LRRC4C: variants seen among roughly 807,000 people sequenced by gnomAD.
LRRC4C encodes leucine rich repeat containing 4C, also known as leucine-rich repeat-containing protein 4C.
LRRC4C carries 5 observed loss-of-function variants against 33.6 expected under a neutral mutation model. That is an observed-to-expected ratio of 0.15 (90% CI 0.08 to 0.31). The LOEUF is 0.31. LRRC4C is among the 10% of genes least tolerant of loss of function. The pLI is 1.00. For synonymous variants in LRRC4C, 329 were observed against 302.0 expected (o/e 1.09, Z -0.93); for missense variants, 560 against 796.7 (o/e 0.70, Z 3.58).
At chr11:41,146,100 C>A (rs762002169) in intron 1 of LRRC4C, among the ~76,000 whole-genome samples, 2 of 152,054 alleles carry the variant, frequency 1.3e-5, no homozygotes, top group Non-Finnish European at 2.9e-5. Flanking sequence ...AAGAGTGTAA[C>A]CTCTTCTAGA....
intron 3 of LRRC4C, among the ~76,000 whole-genome samples, chr11:40,339,729 A>G (rs1946783287): frequency 6.6e-6 from 1 of 152,178 alleles, no homozygotes; most frequent in African/African-American, 2.4e-5. Flanking sequence ...AACCGTAAAA[A>G]GGTTTAGTAT....
At chr11:40,135,133 T>G (rs16934392) in intron 6 of LRRC4C, among the ~76,000 whole-genome samples, 7,826 of 152,284 alleles carry the variant, frequency 0.051, 312 homozygotes, top group South Asian at 0.2. Flanking sequence ...TGAGGAAACC[T>G]TGGTGATGAC....
At chr11:40,173,068 A>G (rs926225046) in intron 5 of LRRC4C, among the ~76,000 whole-genome samples, 1 of 152,188 alleles carries the variant, frequency 6.6e-6, no homozygotes, top group Non-Finnish European at 1.5e-5. Context: ...ACTGCCATCA[A>G]ATGCCAGAAG....
At chr11:41,029,959 C>A (rs1188285559) in intron 1 of LRRC4C, among the ~76,000 whole-genome samples, 2 of 151,728 alleles carry the variant, frequency 1.3e-5, no homozygotes, top group East Asian at 3.9e-4. Flanking sequence ...CTCTTGGGAA[C>A]CATCCAAGGA....
At chr11:41,256,432 G>T (rs779359140) in intron 1 of LRRC4C, among the ~76,000 whole-genome samples, 2 of 151,776 alleles carry the variant, frequency 1.3e-5, no homozygotes, top group Non-Finnish European at 2.9e-5. Context: ...GCATTGTTTC[G>T]TCAACCATTC....
intron 1 of LRRC4C, among the ~76,000 whole-genome samples, chr11:41,100,666 T>C (rs904717593): frequency 6.6e-6 from 1 of 152,078 alleles, no homozygotes; most frequent in Admixed American, 6.6e-5. Flanking sequence ...CCAATGACAT[T>C]CTTCACAGAA....
intron 1 of LRRC4C, among the ~76,000 whole-genome samples, chr11:41,301,488 G>T (rs1047732110): frequency 2.0e-5 from 3 of 151,970 alleles, no homozygotes; most frequent in Non-Finnish European, 4.4e-5. Context: ...TTTCTTTTTC[G>T]TAATGCTATC....
chr11:41,157,953 T>C (rs1284967796), intron 1 of LRRC4C, among the ~76,000 whole-genome samples: 1 of 152,150 alleles, frequency 6.6e-6, no homozygotes, highest in Non-Finnish European at 1.5e-5. Flanking sequence ...TTATTGATTA[T>C]ATTCACTCTG....
chr11:40,130,512 C>A (rs754597217), intron 6 of LRRC4C, among the ~76,000 whole-genome samples: 10 of 152,176 alleles, frequency 6.6e-5, no homozygotes, highest in Non-Finnish European at 1.2e-4. Context: ...GGAGCCTAGA[C>A]AATCACAGTG....
At chr11:41,196,013 T>C (rs1327341642) in intron 1 of LRRC4C, among the ~76,000 whole-genome samples, 2 of 152,250 alleles carry the variant, frequency 1.3e-5, no homozygotes, top group East Asian at 1.9e-4. Context: ...CCTTATTTCA[T>C]CCTTTGATCT....
chr11:40,318,298 C>T (rs1005395020), intron 4 of LRRC4C, among the ~76,000 whole-genome samples: 1 of 152,022 alleles, frequency 6.6e-6, no homozygotes, highest in Admixed American at 6.6e-5. Context: ...TTTGCCTTTA[C>T]TGCTCCAGTC....
intron 1 of LRRC4C, among the ~76,000 whole-genome samples, chr11:41,416,414 C>T (rs1954682698): frequency 6.6e-6 from 1 of 152,034 alleles, no homozygotes; most frequent in Admixed American, 6.6e-5. Flanking sequence ...AGTCCTAAAA[C>T]TTGGTTGGCA....
At chr11:41,076,720 C>T (rs969017204) in intron 1 of LRRC4C, among the ~76,000 whole-genome samples, 1 of 152,150 alleles carries the variant, frequency 6.6e-6, no homozygotes, top group Non-Finnish European at 1.5e-5. Context: ...AATCTCACGT[C>T]CTTTTCACAT....
chr11:40,771,832 A>G (rs943244161), intron 2 of LRRC4C, among the ~76,000 whole-genome samples: 6 of 152,164 alleles, frequency 3.9e-5, no homozygotes, highest in African/African-American at 1.4e-4. Flanking sequence ...CACTGTCAGC[A>G]TTTTAGTCAA....
At chr11:40,894,282 C>T (rs1047016499) in intron 2 of LRRC4C, among the ~76,000 whole-genome samples, 1 of 151,824 alleles carries the variant, frequency 6.6e-6, no homozygotes, top group Non-Finnish European at 1.5e-5. Context: ...ATAAATATTC[C>T]CTCAAATCAG....
intron 3 of LRRC4C, among the ~76,000 whole-genome samples, chr11:40,529,307 T>C (rs561533053): frequency 6.6e-6 from 1 of 152,206 alleles, no homozygotes; most frequent in Non-Finnish European, 1.5e-5. Context: ...GTGAAGTTGA[T>C]TGTATATTAT....
chr11:40,606,300 G>A (rs1367829529), intron 3 of LRRC4C, among the ~76,000 whole-genome samples: 1 of 152,112 alleles, frequency 6.6e-6, no homozygotes, highest in East Asian at 1.9e-4. Context: ...GAGATTACCA[G>A]CTCCTGAATG....
At chr11:41,207,029 T>G (rs1946628847) in intron 1 of LRRC4C, among the ~76,000 whole-genome samples, 1 of 152,204 alleles carries the variant, frequency 6.6e-6, no homozygotes, top group African/African-American at 2.4e-5. Flanking sequence ...AAAAGTATAA[T>G]GTATAGCATG....
intron 1 of LRRC4C, among the ~76,000 whole-genome samples, chr11:40,998,632 T>A (rs1854147525): frequency 6.6e-6 from 1 of 152,158 alleles, no homozygotes; most frequent in South Asian, 2.1e-4. Flanking sequence ...AACTGCTCCA[T>A]GAACATACCC....
Sources: gnomAD v4.1 joint callset for allele counts (sites outside exome capture counted in the v4.1 genomes callset) on GRCh38, gnomAD v4.1.1 for gene constraint, MANE v1.5 for transcripts, NCBI Gene and HGNC (gene_info 2026-07-23, HGNC 2026-07-21) for gene names.